The following NPFFR1 variants were observed in gnomAD, a reference collection of about 807,000 sequenced individuals.
NPFFR1 encodes neuropeptide FF receptor 1.
A neutral mutation model predicts 12.7 loss-of-function variants in NPFFR1; 17 were observed. The observed-to-expected ratio is 1.34, with a 90% CI of 0.92 to 2.01. NPFFR1 has a LOEUF of 2.01. NPFFR1 is among the 30% of genes most tolerant of loss of function. The pLI is 0.00. For missense variants in NPFFR1, 604 were observed against 606.5 expected (o/e 1.00, Z 0.04); for synonymous variants, 296 against 264.5 (o/e 1.12, Z -1.16).
chr10:70,281,146 G>C (rs1223420037), intron 1 of NPFFR1, among the ~76,000 whole-genome samples: 1 of 152,148 alleles, frequency 6.6e-6, no homozygotes, highest in Non-Finnish European at 1.5e-5. Context: ...ATTTCAGCTG[G>C]GGTGAATGGT....
At chr10:70,278,022 A>G (rs577212150) in intron 1 of NPFFR1, 1 of 517,418 alleles carries the variant, frequency 1.9e-6, no homozygotes, top group South Asian at 1.4e-5. Context: ...CTAGTCAGTC[A>G]TGAGACCTGT....
chr10:70,276,638 A>G (rs1008214459), intron 1 of NPFFR1, among the ~76,000 whole-genome samples: 8 of 129,604 alleles, frequency 6.2e-5, no homozygotes. Flanking sequence ...CCCAAGCTGG[A>G]GTGCAGTGGC....
intron 1 of NPFFR1, among the ~76,000 whole-genome samples, chr10:70,278,936 A>T (rs2136810961): frequency 6.6e-6 from 1 of 152,262 alleles, no homozygotes; most frequent in African/African-American, 2.4e-5. Context: ...TGATTTTTAT[A>T]TTTTTTTAGA....
At chr10:70,265,000 G>A (rs903965968) in intron 2 of NPFFR1, among the ~76,000 whole-genome samples, 9 of 152,216 alleles carry the variant, frequency 5.9e-5, no homozygotes, top group Admixed American at 2.6e-4. Flanking sequence ...CTGAGTACAC[G>A]TGTGTGTGTC....
chr10:70,283,579 T>A, intron 1 of NPFFR1, 91 bp downstream of exon 1: 2 of 1,257,854 alleles, frequency 1.6e-6, no homozygotes, highest in Non-Finnish European at 2.2e-6. Flanking sequence ...CCATGGGTGA[T>A]CAGCTGCCCG....
Position 70,266,279 on chromosome 10 carries a change from G to A in NPFFR1, c.120C>T (p.Ser40=), listed in dbSNP as rs1840689136. The A allele has an allele frequency of 1.2e-6, 2 of 1,613,944 alleles. No individual in the cohort carries two copies. ...CCACAATGAACATGGCCGCCACAGG[G>A]GAGGTGTGCTGATAGTAGGAGGAGA... The part of the protein sequence containing the change: ...LTFSSYYQHT[S]PVAAMFIVAY... Residue 40 remains serine, a synonymous_variant, in exon 2 of 4, where the codon TCC becomes TCT. Transcript: ENST00000277942.
At chr10:70,262,463 A>G (rs1316499673) in intron 2 of NPFFR1, among the ~76,000 whole-genome samples, 1 of 152,246 alleles carries the variant, frequency 6.6e-6, no homozygotes, top group Admixed American at 6.5e-5. Context: ...AAACTTGTAT[A>G]TTCTTGACAA....
chr10:70,255,531 G>T lies in NPFFR1; in HGVS notation c.719C>A (p.Ala240Glu). Residue 240 changes from alanine to glutamate, a missense_variant, in exon 4 of 4, where the codon GCG becomes GAG. Ala to Glu is a moderately radical substitution (Grantham distance 107). Transcript: ENST00000277942. The surrounding 1 kb of genome is among the most constrained non-coding windows in gnomAD (Gnocchi z 4.2). The stretch of plus-strand genomic sequence containing the variant: ...GCCCGGGGCCTGGCAGAGCTTGCGC[G>T]CGATGCGGGCGTACATGACCACGAT... ...ALIVVMYARIARKLCQAPGPA... is the reference protein window; with the variant it reads ...ALIVVMYARIERKLCQAPGPA... 1 of 1,548,978 alleles carries T rather than the reference G, an allele frequency of 6.5e-7. No homozygotes were observed. The highest frequency in any genetic ancestry group is 8.7e-7 in the Non-Finnish European group (1 of 1,145,896).
At chr10:70,259,225 G>T (rs1394314564) in intron 3 of NPFFR1, among the ~76,000 whole-genome samples, 1 of 151,696 alleles carries the variant, frequency 6.6e-6, no homozygotes, top group African/African-American at 2.4e-5. Flanking sequence ...GGCAGAGGTT[G>T]CAGTCAGCCA....
intron 2 of NPFFR1, among the ~76,000 whole-genome samples, chr10:70,263,139 C>T (rs1019009787): frequency 6.6e-6 from 1 of 152,044 alleles, no homozygotes; most frequent in Admixed American, 6.6e-5. Context: ...CGCACTCCAG[C>T]CTTGGTGACA....
Position 70,266,320 on chromosome 10 carries a change from C to G in NPFFR1, c.79G>C (p.Ala27Pro). The change falls in exon 2 of 4, where the codon GCT becomes CCT. Residue 27 changes from alanine (A) to proline (P), a missense_variant. Coordinates refer to ENST00000277942, the MANE Select transcript of NPFFR1 (RefSeq NM_022146.5). ...QNGTNTEATP[A>P]TNLTFSSYYQ... Reference sequence around the variant, plus strand: ...TAGGAGGAGAAGGTGAGGTTTGTAGCCGGGGTGGCCTCAGTGTTAGTCCCA... The same window carrying G: ...TAGGAGGAGAAGGTGAGGTTTGTAGGCGGGGTGGCCTCAGTGTTAGTCCCA... 6.2e-7 allele frequency: 1 copy of G among 1,613,692 alleles called. No individual in the cohort carries two copies. Among genetic ancestry groups the G allele is most frequent in the South Asian group, 1.1e-5 (1 of 90,992 alleles).
In NPFFR1 at chr10:70,277,815, C is replaced by T. The variant is rs371390442; in HGVS notation, c.7+5855G>A. 67 of 451,146 alleles carry T rather than the reference C, an allele frequency of 1.5e-4. No individual in the cohort carries two copies. In the East Asian group the frequency reaches 3.2e-3, roughly 22 times the overall value. 27.9% of individuals were successfully genotyped at this position (451,146 alleles called of 1,614,324 possible). A position where few individuals can be genotyped will look rare whatever the true frequency, so the allele number is the denominator to read the frequency against. On this transcript the variant is annotated intron_variant, in intron 1 of 3. Transcript: ENST00000277942. ...TTGCTGCCCTTCTGCTGACTTGTCC[C>T]ACAGCATAACATCACAGTTAAGGCC...
chr10:70,275,832 T>A (rs1464066650), intron 1 of NPFFR1, among the ~76,000 whole-genome samples: 1 of 152,176 alleles, frequency 6.6e-6, no homozygotes. Flanking sequence ...TCAAGCTATC[T>A]CTGACAAGGA....
Position 70,266,227 on chromosome 10 carries a change from T to C in NPFFR1, c.172A>G (p.Met58Val), listed in dbSNP as rs1290208168. ...AAACAGACCAGGGTGTTGCCCACCA[T>C]GCAGAGCAGGAAGATGAGCGCATAG... is the stretch of plus-strand genomic sequence containing the variant. ...VAYALIFLLC[M>V]VGNTLVCFIV... The change falls in exon 2 of 4, where the codon ATG (methionine) becomes GTG (valine). Residue 58 changes from methionine to valine, a missense_variant. By Grantham distance (21) the Met-to-Val change is conservative. Coordinates refer to ENST00000277942, the MANE Select transcript of NPFFR1 (RefSeq NM_022146.5). 1 of 1,613,972 alleles carries C rather than the reference T, an allele frequency of 6.2e-7. No homozygotes were observed. Among genetic ancestry groups the C allele is most frequent in the Middle Eastern group, 1.6e-4 (1 of 6,062 alleles).
At position 70,255,271 on chromosome 10, in the gene NPFFR1, T is replaced by G; in HGVS notation, c.979A>C (p.Ile327Leu). The G allele has an allele frequency of 6.3e-7, 1 of 1,576,846 alleles. No homozygotes were observed. Among genetic ancestry groups the G allele is most frequent in the Non-Finnish European group, 8.6e-7 (1 of 1,166,618 alleles). ...TTCTCGTTGAAGTAGCCGTAGATGA[T>G]GGGGTTGGCGCTGCTGTTGAAGAAG... The part of the protein sequence containing the change: ...LAFFNSSANP[I>L]IYGYFNENFR... Residue 327 changes from isoleucine (I) to leucine (L), a missense_variant, in exon 4 of 4, where the codon ATC becomes CTC. Physicochemically the swap from Ile to Leu is conservative, Grantham distance 5. Coordinates refer to ENST00000277942, the MANE Select transcript of NPFFR1 (RefSeq NM_022146.5). The surrounding 1 kb of genome is among the most constrained non-coding windows in gnomAD (Gnocchi z 4.2).
At chr10:70,270,102 A>G (rs1225298398) in intron 1 of NPFFR1, among the ~76,000 whole-genome samples, 1 of 152,200 alleles carries the variant, frequency 6.6e-6, no homozygotes, top group African/African-American at 2.4e-5. Flanking sequence ...CAAAGCAAGG[A>G]TCTTCCCTGT....
Position 70,254,825 on chromosome 10 carries a change from G to A in NPFFR1, c.*132C>T, listed in dbSNP as rs1840544138. The stretch of plus-strand genomic sequence containing the variant: ...AGCAGAGAAGACATCACCAGCAGCT[G>A]CCCACCACTGCCTGGCTCTGGAGAG... On this transcript the variant is annotated 3_prime_UTR_variant, in exon 4 of 4. Transcript: ENST00000277942. The A allele has an allele frequency of 9.3e-7, 1 of 1,072,378 alleles. No individual in the cohort carries two copies. Among genetic ancestry groups the A allele is most frequent in the South Asian group, 3.2e-5 (1 of 31,556 alleles). 66.4% of individuals were successfully genotyped at this position (1,072,378 alleles called of 1,614,324 possible).
At chr10:70,256,886 C>G (rs551223060) in intron 3 of NPFFR1, among the ~76,000 whole-genome samples, 4 of 152,292 alleles carry the variant, frequency 2.6e-5, no homozygotes, top group East Asian at 1.9e-4. Context: ...AGACAAAACC[C>G]GTGCCTATTT....
At position 70,254,094 on chromosome 10, in the gene NPFFR1, G is replaced by T. The variant is rs368475899; in HGVS notation, c.*863C>A. 1 of 152,204 alleles carries T rather than the reference G, an allele frequency of 6.6e-6. No homozygotes were observed. Among genetic ancestry groups the T allele is most frequent in the African/African-American group, 2.4e-5 (1 of 41,424 alleles). 9.4% of individuals were successfully genotyped at this position (152,204 alleles called of 1,614,324 possible). On this transcript the variant is annotated 3_prime_UTR_variant, in exon 4 of 4. Coordinates refer to ENST00000277942, the MANE Select transcript of NPFFR1 (RefSeq NM_022146.5). Reference sequence around the variant, plus strand: ...TTTCCCAATGTGGAAAATGCATACCGTGCTTCCCCTTCCTCGTTGTCTATG... The same window carrying T: ...TTTCCCAATGTGGAAAATGCATACCTTGCTTCCCCTTCCTCGTTGTCTATG...
Sources: gnomAD v4.1 joint callset for allele counts (sites outside exome capture counted in the v4.1 genomes callset) on GRCh38, gnomAD v4.1.1 for gene constraint, Gnocchi (gnomAD v3.1) non-coding constraint, MANE v1.5 for transcripts, NCBI Gene and HGNC (gene_info 2026-07-23, HGNC 2026-07-21) for gene names.